Variants in MACF1 observed in about 807,000 individuals in gnomAD.
MACF1 encodes microtubule actin crosslinking factor 1.
Under a neutral mutation model 854.8 loss-of-function variants are expected in MACF1, and 193 were observed. That is an observed-to-expected ratio of 0.23 (90% CI 0.20 to 0.25). The LOEUF (loss-of-function observed/expected upper bound fraction) is 0.25, where lower values mean the gene tolerates loss of function less well. MACF1 is among the 10% of genes least tolerant of loss of function. The pLI is 1.00. For missense variants in MACF1, 7,722 were observed against 8,929.1 expected, an observed-to-expected ratio of 0.86 and a Z score of 5.45; for synonymous variants, 3,185 against 3,226.7, an observed-to-expected ratio of 0.99 and a Z score of 0.44.
chr1:39,358,492 G>C (rs1291249558), intron 45 of MACF1, among the ~76,000 whole-genome samples: 1 of 152,184 alleles, frequency 6.6e-6, no homozygotes, highest in Non-Finnish European at 1.5e-5. Flanking sequence ...GGGAATGTAA[G>C]AAGGTCAAGG....
At chr1:39,262,144 G>A (rs1645169663) in intron 6 of MACF1, among the ~76,000 whole-genome samples, 1 of 152,080 alleles carries the variant, frequency 6.6e-6, no homozygotes, top group South Asian at 2.1e-4. Flanking sequence ...GCTCACACCT[G>A]TAATCCCAGC....
At chr1:39,259,773 C>G (rs911909195) in intron 6 of MACF1, among the ~76,000 whole-genome samples, 5 of 152,044 alleles carry the variant, frequency 3.3e-5, no homozygotes, top group Non-Finnish European at 7.4e-5. Context: ...CTGGCATGCA[C>G]CACTACACCC....
At chr1:39,435,909 T>C in intron 70 of MACF1, 148 bp downstream of exon 70, 1 of 653,982 alleles carries the variant, frequency 1.5e-6, no homozygotes, top group Non-Finnish European at 2.6e-6. Flanking sequence ...TTAGCCTATC[T>C]TCATTTTTAT....
chr1:39,262,260 G>A (rs1378081932), intron 6 of MACF1, among the ~76,000 whole-genome samples: 1 of 151,944 alleles, frequency 6.6e-6, no homozygotes, highest in Non-Finnish European at 1.5e-5. Flanking sequence ...AAATTAGCCA[G>A]GTGTGTTGGC....
At chr1:39,338,294 G>A (rs1286586354) in intron 38 of MACF1, among the ~76,000 whole-genome samples, 1 of 151,762 alleles carries the variant, frequency 6.6e-6, no homozygotes, top group East Asian at 1.9e-4. Flanking sequence ...TCATAAAAGG[G>A]CAAGAGAGGA....
chr1:39,383,525 G>A lies in MACF1; in HGVS notation c.13848+1373G>A, dbSNP rs544674815. On this transcript the variant is annotated intron_variant, in intron 56 of 100. Transcript: ENST00000564288. The stretch of plus-strand genomic sequence containing the variant: ...GCAATGATAAAACCATCACATTAAC[G>A]TAAGTAACATATTTTTAATGAAAAA... Among the ~76,000 whole-genome samples the A allele has an allele frequency of 2.8e-4, 43 of 152,120 alleles. 1 individual carries two copies. The highest frequency in any genetic ancestry group is 1.0e-3 in the South Asian group (5 of 4,814).
chr1:39,356,274 A>G (rs897399310), intron 44 of MACF1, among the ~76,000 whole-genome samples: 2 of 152,142 alleles, frequency 1.3e-5, no homozygotes, highest in Non-Finnish European at 2.9e-5. Flanking sequence ...ACCCAGAAAT[A>G]CAGTTTAATC....
intron 2 of MACF1, chr1:39,103,667 G>C (rs916363657): frequency 6.6e-6 from 1 of 152,330 alleles, no homozygotes; most frequent in African/African-American, 2.4e-5. Flanking sequence ...ACACCAAACT[G>C]AGAACTAGTT....
At chr1:39,205,856 T>C (rs1644444410) in intron 1 of MACF1, among the ~76,000 whole-genome samples, 1 of 152,152 alleles carries the variant, frequency 6.6e-6, no homozygotes, top group African/African-American at 2.4e-5. Context: ...CTATTAGTTA[T>C]ATTCTGTTGA....
chr1:39,485,419 G>A (rs757253263), intron 100 of MACF1, 119 bp from the exon 101 acceptor site: 3 of 1,176,056 alleles, frequency 2.6e-6, no homozygotes, highest in Non-Finnish European at 3.5e-6. Context: ...AAACTGGGGT[G>A]CAGAAAGGCT....
At position 39,382,163 on chromosome 1, in the gene MACF1, T is replaced by C. The variant is rs1365154649; in HGVS notation, c.13848+11T>C. 5.0e-6 allele frequency: 8 copies of C among 1,610,858 alleles called. No individual in the cohort carries two copies. The Admixed American group carries it at 6.7e-5, about 13-fold the overall frequency. The stretch of plus-strand genomic sequence containing the variant: ...AAGCAACAGGTCCAGGTGAGCAATA[T>C]AGCAACAAAGAAATTGGAATCACAT... On this transcript the variant is annotated intron_variant, in intron 56 of 100. Transcript: ENST00000564288.
chr1:39,111,421 C>T (rs1642400537), intron 2 of MACF1, among the ~76,000 whole-genome samples: 2 of 152,010 alleles, frequency 1.3e-5, no homozygotes, highest in African/African-American at 2.4e-5. Flanking sequence ...CTCACTCTGT[C>T]ACCCAGGCTG....
chr1:39,361,553 C>A lies in MACF1; in HGVS notation c.12647C>A (p.Pro4216His), dbSNP rs775833280. ...EKESSLKKLLPQAEMFEHLSG... is the reference protein window; with the variant it reads ...EKESSLKKLLHQAEMFEHLSG... ...GAGAGCTCCCTAAAGAAGCTTCTAC[C>A]CCAGGCAGAGATGTTTGAACACCTC... is the stretch of plus-strand genomic sequence containing the variant. Residue 4216 changes from proline to histidine, a missense_variant, in exon 49 of 101, where the codon CCC (proline) becomes CAC (histidine). Physicochemically the swap from Pro to His is moderately conservative, Grantham distance 77. Transcript: ENST00000564288. The A allele has an allele frequency of 6.2e-7, 1 of 1,614,112 alleles. No homozygotes were observed. The highest frequency in any genetic ancestry group is 1.1e-5 in the South Asian group (1 of 91,080).
intron 2 of MACF1, among the ~76,000 whole-genome samples, chr1:39,088,000 C>A (rs1402179573): frequency 1.3e-5 from 2 of 150,732 alleles, no homozygotes; most frequent in Non-Finnish European, 3.0e-5. Context: ...GTCTCGCTGT[C>A]GCCCAGGCTG....
intron 2 of MACF1, among the ~76,000 whole-genome samples, chr1:39,194,906 G>T (rs753713816): frequency 2.0e-5 from 3 of 151,918 alleles, no homozygotes; most frequent in Non-Finnish European, 4.4e-5. Flanking sequence ...GTTGCCCAGG[G>T]TGGTCTTAAA....
intron 2 of MACF1, among the ~76,000 whole-genome samples, chr1:39,149,848 A>G (rs969613229): frequency 6.6e-6 from 1 of 152,158 alleles, no homozygotes; most frequent in African/African-American, 2.4e-5. Context: ...ACCTGCCTCA[A>G]AGCCCTGTAG....
chr1:39,312,906 C>G (rs1438834550), intron 26 of MACF1, among the ~76,000 whole-genome samples: 1 of 152,130 alleles, frequency 6.6e-6, no homozygotes, highest in Non-Finnish European at 1.5e-5. Context: ...ATCAGTTGAC[C>G]AAATAATGCT....
chr1:39,239,250 C>T (rs1366095919), intron 2 of MACF1, among the ~76,000 whole-genome samples: 3 of 151,930 alleles, frequency 2.0e-5, no homozygotes, highest in Non-Finnish European at 4.4e-5. Context: ...CACCGCACTC[C>T]AGCGTGGGTG....
intron 58 of MACF1, among the ~76,000 whole-genome samples, chr1:39,408,777 C>G (rs1016293144): frequency 2.0e-5 from 3 of 152,062 alleles, no homozygotes; most frequent in Non-Finnish European, 4.4e-5. Flanking sequence ...CCCCTCTGGC[C>G]CCGGGGCGCG....
Sources: gnomAD v4.1 joint callset for allele counts (sites outside exome capture counted in the v4.1 genomes callset) on GRCh38, gnomAD v4.1.1 for gene constraint, MANE v1.5 for transcripts, NCBI Gene and HGNC (gene_info 2026-07-23, HGNC 2026-07-21) for gene names.